Variants in BBS9 observed in about 807,000 individuals in gnomAD.
BBS9 encodes Bardet-Biedl syndrome 9.
In BBS9, 89 loss-of-function variants were observed where a neutral mutation model predicts 117.7. The observed-to-expected ratio is 0.76, with a 90% CI of 0.64 to 0.90. BBS9 has a LOEUF of 0.90. Among genes scored for constraint, BBS9 ranks in the 40% least tolerant of loss-of-function variants. The probability of loss-of-function intolerance (pLI) is 0.00; values close to 1 mark genes in which losing one functional copy is unlikely to be tolerated. For missense variants in BBS9, 982 were observed against 1,042.2 expected (o/e 0.94, Z 0.80); for synonymous variants, 379 against 370.9 (o/e 1.02, Z -0.25).
intron 9 of BBS9, among the ~76,000 whole-genome samples, chr7:33,293,933 A>G (rs891411148): frequency 6.6e-6 from 1 of 152,102 alleles, no homozygotes; most frequent in Non-Finnish European, 1.5e-5. Context: ...TGACTCCTAG[A>G]AATATTTTTA....
intron 5 of BBS9, among the ~76,000 whole-genome samples, chr7:33,216,974 A>G (rs1291985154): frequency 2.0e-5 from 3 of 152,134 alleles, no homozygotes; most frequent in Non-Finnish European, 4.4e-5. Context: ...GCACACCTGT[A>G]ATCCCAGCTA....
intron 6 of BBS9, among the ~76,000 whole-genome samples, chr7:33,259,997 CT>C (rs376697038): frequency 9.6e-6 from 1 of 104,230 alleles, no homozygotes; most frequent in Non-Finnish European, 2.0e-5. Context: ...AAGACCTAGA[CT>C]TTTTTCTTTT....
intron 6 of BBS9, among the ~76,000 whole-genome samples, chr7:33,259,444 C>A (rs1054990835): frequency 6.6e-6 from 1 of 152,120 alleles, no homozygotes; most frequent in Non-Finnish European, 1.5e-5. Context: ...ACCCAGAAAT[C>A]ATCATTGTAA....
At position 33,331,933 on chromosome 7, in the gene BBS9, G is replaced by A. The variant is rs143438047; in HGVS notation, c.1017-4508G>A. 4.8e-3 allele frequency among the ~76,000 whole-genome samples: 728 copies of A among 152,080 alleles called. 8 individuals carry two copies. Among genetic ancestry groups the A allele is most frequent in the Middle Eastern group, 0.017 (5 of 294 alleles). ...CATCAAAATACCGTCATCATTCTTC[G>A]CAGAACTAGAAAAAACAATCCTGAA... is the stretch of plus-strand genomic sequence containing the variant. On this transcript the variant is annotated intron_variant, in intron 9 of 22. Transcript: ENST00000242067.
chr7:33,459,055 G>C (rs1040334537), intron 19 of BBS9, among the ~76,000 whole-genome samples: 2 of 152,094 alleles, frequency 1.3e-5, no homozygotes, highest in Non-Finnish European at 1.5e-5. Flanking sequence ...AGGGGATCAG[G>C]AGTACAGTGT....
At chr7:33,572,172 G>A (rs1208520981) in intron 21 of BBS9, among the ~76,000 whole-genome samples, 1 of 151,878 alleles carries the variant, frequency 6.6e-6, no homozygotes, top group Non-Finnish European at 1.5e-5. Flanking sequence ...CCACATATGA[G>A]TTAAGGCAGG....
At chr7:33,134,792 C>G (rs141127822) in intron 1 of BBS9, among the ~76,000 whole-genome samples, 1 of 152,082 alleles carries the variant, frequency 6.6e-6, no homozygotes, top group Non-Finnish European at 1.5e-5. Context: ...GATGCGGTCT[C>G]GCTTTGTTGC....
intron 21 of BBS9, among the ~76,000 whole-genome samples, chr7:33,565,936 G>A (rs949009992): frequency 6.7e-6 from 1 of 148,336 alleles, no homozygotes; most frequent in Admixed American, 6.7e-5. Flanking sequence ...TACAAGGTGA[G>A]AAGTGGAAGA....
chr7:33,432,896 C>G (rs1335459070), intron 19 of BBS9, among the ~76,000 whole-genome samples: 1 of 151,872 alleles, frequency 6.6e-6, no homozygotes, highest in Non-Finnish European at 1.5e-5. Flanking sequence ...CTGCTAGTTT[C>G]TTCTCTCCCT....
intron 19 of BBS9, among the ~76,000 whole-genome samples, chr7:33,394,876 A>G (rs1236058294): frequency 6.6e-6 from 1 of 152,180 alleles, no homozygotes; most frequent in African/African-American, 2.4e-5. Flanking sequence ...TGAGGGTGGC[A>G]TTATTGTTTA....
intron 19 of BBS9, among the ~76,000 whole-genome samples, chr7:33,426,910 T>G (rs1280851473): frequency 2.0e-5 from 3 of 152,172 alleles, no homozygotes; most frequent in Non-Finnish European, 2.9e-5. Context: ...GGATATTTTA[T>G]AGAGAATACC....
intron 20 of BBS9, chr7:33,533,690 C>T (rs1850934253): frequency 1.9e-6 from 1 of 513,734 alleles, no homozygotes; most frequent in African/African-American, 1.9e-5. Context: ...TCTCATAGAT[C>T]TCCAACCCTT....
intron 16 of BBS9, among the ~76,000 whole-genome samples, chr7:33,359,207 C>T (rs934135039): frequency 2.0e-5 from 3 of 151,754 alleles, no homozygotes; most frequent in Non-Finnish European, 2.9e-5. Flanking sequence ...CCTATACTAC[C>T]TTAGGAACAT....
At chr7:33,205,315 A>G (rs143729254) in intron 5 of BBS9, among the ~76,000 whole-genome samples, 9 of 152,258 alleles carry the variant, frequency 5.9e-5, no homozygotes, top group Admixed American at 3.3e-4. Flanking sequence ...ATCCTTCCAT[A>G]TACCTCCCTC....
chr7:33,142,060 C>T (rs566375977), intron 1 of BBS9, among the ~76,000 whole-genome samples: 4 of 152,096 alleles, frequency 2.6e-5, no homozygotes, highest in African/African-American at 4.8e-5. Context: ...CTCAGCTTCC[C>T]GAGTAACTGG....
chr7:33,252,851 T>G (rs1431441915), intron 5 of BBS9, among the ~76,000 whole-genome samples: 1 of 152,120 alleles, frequency 6.6e-6, no homozygotes, highest in Non-Finnish European at 1.5e-5. Flanking sequence ...AATGTATATA[T>G]TTAGACTTAA....
intron 19 of BBS9, among the ~76,000 whole-genome samples, chr7:33,504,823 C>A (rs1215249774): frequency 4.0e-5 from 6 of 151,024 alleles, no homozygotes; most frequent in Non-Finnish European, 7.4e-5. Context: ...GTAGATTTGG[C>A]ATTGTAAAGT....
intron 19 of BBS9, among the ~76,000 whole-genome samples, chr7:33,471,941 C>G (rs933335375): frequency 6.6e-6 from 1 of 152,270 alleles, no homozygotes; most frequent in Non-Finnish European, 1.5e-5. Context: ...TTTCTTCAGG[C>G]CAGATTGCCT....
chr7:33,171,184 C>T (rs1226080933), intron 4 of BBS9, among the ~76,000 whole-genome samples: 2 of 152,152 alleles, frequency 1.3e-5, no homozygotes, highest in Non-Finnish European at 2.9e-5. Flanking sequence ...GGAGGCATCA[C>T]ACTACCTGAC....
Sources: allele counts gnomAD v4.1 joint callset (sites outside exome capture counted in the v4.1 genomes callset), GRCh38; gene constraint gnomAD v4.1.1; transcripts MANE v1.5; gene names NCBI Gene and HGNC (gene_info 2026-07-23, HGNC 2026-07-21).